The following NCAM1 variants were observed in gnomAD, a reference collection of about 807,000 sequenced individuals.
NCAM1 encodes antigen recognized by monoclonal antibody 5.1H11.
NCAM1 carries 14 observed loss-of-function variants against 109.8 expected under a neutral mutation model. That is an observed-to-expected ratio of 0.13 (90% CI 0.08 to 0.20). NCAM1 has a LOEUF of 0.20. Ranked by LOEUF, NCAM1 falls within the 10% of genes least tolerant of loss-of-function variation. The probability of loss-of-function intolerance (pLI) is 1.00; values close to 1 mark genes in which losing one functional copy is unlikely to be tolerated. For missense variants in NCAM1, 774 were observed against 1,109.9 expected (o/e 0.70, Z 4.30); for synonymous variants, 418 against 442.9 (o/e 0.94, Z 0.70).
intron 1 of NCAM1, among the ~76,000 whole-genome samples, chr11:113,043,388 A>G (rs1487830306): frequency 1.3e-5 from 2 of 151,882 alleles, no homozygotes; most frequent in African/African-American, 2.4e-5. Context: ...CCCAGGCTGG[A>G]GTGCAATGGC....
intron 1 of NCAM1, among the ~76,000 whole-genome samples, chr11:113,193,180 T>G (rs1331747087): frequency 6.6e-6 from 1 of 152,348 alleles, no homozygotes; most frequent in African/African-American, 2.4e-5. Context: ...TCGTCTTCTA[T>G]GAGACTCTGT....
Position 113,052,447 on chromosome 11 carries a change from C to T in NCAM1, c.52+90783C>T, listed in dbSNP as rs955823033. 2.6e-5 allele frequency among the ~76,000 whole-genome samples: 4 copies of T among 152,100 alleles called. No individual in the cohort carries two copies. In the South Asian group the frequency reaches 8.3e-4, roughly 32 times the overall value. ...CAGAAGCCTAGCAGCAGTCCCTCCC[C>T]ACCCCCGCACCTCCACCCCTCTAGA... On this transcript the variant is annotated intron_variant, in intron 1 of 19. Coordinates refer to ENST00000316851, the MANE Select transcript of NCAM1 (RefSeq NM_181351.5).
chr11:113,176,051 T>C (rs570732054), intron 1 of NCAM1, among the ~76,000 whole-genome samples: 1 of 152,286 alleles, frequency 6.6e-6, no homozygotes, highest in South Asian at 2.1e-4. Flanking sequence ...ATGTGGGTAG[T>C]TGGTCAAACA....
At chr11:113,257,933 C>A (rs1555122589) in intron 16 of NCAM1, among the ~76,000 whole-genome samples, 1 of 152,226 alleles carries the variant, frequency 6.6e-6, no homozygotes, top group African/African-American at 2.4e-5. Context: ...TAGAATTCCC[C>A]TTCCAGCACC....
intron 7 of NCAM1, among the ~76,000 whole-genome samples, chr11:113,210,345 T>C (rs1944352725): frequency 1.3e-5 from 2 of 152,188 alleles, no homozygotes; most frequent in Non-Finnish European, 2.9e-5. Context: ...AGGAGGAACC[T>C]GATCACAGAG....
chr11:113,227,365 T>A (rs1449501031), intron 9 of NCAM1, among the ~76,000 whole-genome samples: 1 of 152,030 alleles, frequency 6.6e-6, no homozygotes, highest in Admixed American at 6.6e-5. Flanking sequence ...ACATACACCC[T>A]CCCAAGACTA....
intron 17 of NCAM1, among the ~76,000 whole-genome samples, chr11:113,267,849 G>C (rs898131275): frequency 6.6e-6 from 1 of 152,178 alleles, no homozygotes. Flanking sequence ...CAAGCACATA[G>C]AGCAGCTTTG....
At chr11:113,183,432 T>G (rs1328148317) in intron 1 of NCAM1, among the ~76,000 whole-genome samples, 1 of 152,186 alleles carries the variant, frequency 6.6e-6, no homozygotes, top group African/African-American at 2.4e-5. Flanking sequence ...ATATTCACCT[T>G]AGGAAATACA....
At chr11:113,127,791 C>T (rs567676907) in intron 1 of NCAM1, among the ~76,000 whole-genome samples, 123 of 152,202 alleles carry the variant, frequency 8.1e-4, no homozygotes, top group South Asian at 4.4e-3. Flanking sequence ...AGAAATAGTC[C>T]GGTGGTTCTC....
chr11:113,102,062 T>C (rs144614095), intron 1 of NCAM1, among the ~76,000 whole-genome samples: 94 of 152,366 alleles, frequency 6.2e-4, no homozygotes, highest in African/African-American at 2.2e-3. Context: ...GAAAATGTGA[T>C]TGTTTACTAA....
chr11:113,102,816 A>G (rs1939934666), intron 1 of NCAM1, among the ~76,000 whole-genome samples: 1 of 152,234 alleles, frequency 6.6e-6, no homozygotes, highest in South Asian at 2.1e-4. Flanking sequence ...TTGGAGAAAC[A>G]TCTTTAAGAC....
chr11:113,270,767 T>C (rs1383534294), intron 18 of NCAM1, among the ~76,000 whole-genome samples: 1 of 152,148 alleles, frequency 6.6e-6, no homozygotes, highest in Non-Finnish European at 1.5e-5. Context: ...GTTTATTCAT[T>C]CATTCATCCA....
chr11:113,277,537 C>T lies in NCAM1; in HGVS notation c.*2150C>T. On this transcript the variant is annotated 3_prime_UTR_variant, in exon 20 of 20. Coordinates refer to ENST00000316851, the MANE Select transcript of NCAM1 (RefSeq NM_181351.5). ...ACCGGGAGGGCCCAGCAGTGAGGGG[C>T]AGGCTCTTCTGGTCACCAGGCTGTT... is the stretch of plus-strand genomic sequence containing the variant. The T allele has an allele frequency of 2.5e-6, 1 of 398,074 alleles. No individual in the cohort carries two copies. The allele number at this position is 398,074 out of a possible 1,614,324, so 24.7% of individuals were successfully genotyped here. A position where few individuals can be genotyped will look rare whatever the true frequency, so the allele number is the denominator to read the frequency against.
At chr11:113,149,000 G>C (rs1942123812) in intron 1 of NCAM1, among the ~76,000 whole-genome samples, 1 of 152,156 alleles carries the variant, frequency 6.6e-6, no homozygotes, top group South Asian at 2.1e-4. Context: ...TCTCTAAAAG[G>C]ATCTTGCAGT....
chr11:113,271,891 AG>A lies in NCAM1; in HGVS notation c.2456+19del, dbSNP rs1946288265. ...ACGGAGCCCGAGTACGTGGGCTGGG[AG>A]GGGCTGGCACCTGCTCCGTAGAGAC... On this transcript the variant is annotated intron_variant, in intron 19 of 19. Transcript: ENST00000316851. 6.5e-7 allele frequency: 1 copy of A among 1,547,008 alleles called. No homozygotes were observed.
intron 1 of NCAM1, among the ~76,000 whole-genome samples, chr11:113,036,878 A>T (rs1453173758): frequency 6.6e-6 from 1 of 152,026 alleles, no homozygotes; most frequent in Admixed American, 6.6e-5. Flanking sequence ...GGGCTTCTTG[A>T]TCCCTGGCCC....
At chr11:113,027,006 T>C (rs1470637955) in intron 1 of NCAM1, among the ~76,000 whole-genome samples, 2 of 152,208 alleles carry the variant, frequency 1.3e-5, no homozygotes, top group African/African-American at 4.8e-5. Context: ...TAAGTGCTGC[T>C]AAGCAGGCTC....
chr11:113,074,930 C>A (rs1938461429), intron 1 of NCAM1, among the ~76,000 whole-genome samples: 1 of 152,194 alleles, frequency 6.6e-6, no homozygotes, highest in South Asian at 2.1e-4. Flanking sequence ...CTGTGCCCAG[C>A]TGATTTTATT....
intron 1 of NCAM1, among the ~76,000 whole-genome samples, chr11:113,110,921 A>G (rs782721104): frequency 1.3e-5 from 2 of 152,250 alleles, no homozygotes; most frequent in East Asian, 1.9e-4. Context: ...TAATATACAC[A>G]ATTCTAGTGC....
Sources: gnomAD v4.1 joint callset for allele counts (sites outside exome capture counted in the v4.1 genomes callset) on GRCh38, gnomAD v4.1.1 for gene constraint, MANE v1.5 for transcripts, NCBI Gene and HGNC (gene_info 2026-07-23, HGNC 2026-07-21) for gene names.